Variants in PIGU observed in about 807,000 individuals in gnomAD.
The protein encoded by PIGU is phosphatidylinositol glycan anchor biosynthesis class U.
Under a neutral mutation model 49.9 loss-of-function variants are expected in PIGU, and 24 were observed. That is an observed-to-expected ratio of 0.48 (90% confidence interval 0.35 to 0.68). The LOEUF is 0.68. Ranked by LOEUF, PIGU falls within the 30% of genes least tolerant of loss-of-function variation. The probability of loss-of-function intolerance (pLI) is 0.01; values close to 1 mark genes in which losing one functional copy is unlikely to be tolerated. For missense variants in PIGU, 490 were observed against 532.6 expected, an observed-to-expected ratio of 0.92 and a Z score of 0.79; for synonymous variants, 220 against 205.7, an observed-to-expected ratio of 1.07 and a Z score of -0.59.
At chr20:34,610,949 A>G (rs1031707318) in intron 7 of PIGU, among the ~76,000 whole-genome samples, 1 of 152,206 alleles carries the variant, frequency 6.6e-6, no homozygotes, top group African/African-American at 2.4e-5. Context: ...AAAACAAGCA[A>G]TGGGGAAAGG....
At chr20:34,564,098 G>A (rs1408219289) in intron 11 of PIGU, among the ~76,000 whole-genome samples, 1 of 152,126 alleles carries the variant, frequency 6.6e-6, no homozygotes, top group Non-Finnish European at 1.5e-5. Context: ...AAGACACTGG[G>A]GAGATGTGAC....
intron 1 of PIGU, among the ~76,000 whole-genome samples, chr20:34,669,704 T>C (rs1294971310): frequency 6.6e-6 from 1 of 150,564 alleles, no homozygotes; most frequent in Admixed American, 6.7e-5. Flanking sequence ...AAAACAGTGG[T>C]ATCTAGTCTC....
At chr20:34,662,053 C>A (rs1986942290) in intron 1 of PIGU, among the ~76,000 whole-genome samples, 1 of 152,018 alleles carries the variant, frequency 6.6e-6, no homozygotes, top group Non-Finnish European at 1.5e-5. Context: ...TGAGATGTGT[C>A]TGTTCATGTC....
At chr20:34,614,617 C>T (rs1984938555) in intron 7 of PIGU, among the ~76,000 whole-genome samples, 1 of 135,812 alleles carries the variant, frequency 7.4e-6, no homozygotes, top group Non-Finnish European at 1.6e-5. Flanking sequence ...AGAGCAAGGA[C>T]CTGCTCTCAA....
At chr20:34,667,053 G>C (rs972098650) in intron 1 of PIGU, among the ~76,000 whole-genome samples, 2 of 151,676 alleles carry the variant, frequency 1.3e-5, no homozygotes, top group Non-Finnish European at 2.9e-5. Flanking sequence ...TGTTGCTCAG[G>C]CTGGTCTCAA....
intron 1 of PIGU, among the ~76,000 whole-genome samples, chr20:34,673,045 G>A (rs1426004020): frequency 6.6e-6 from 1 of 151,724 alleles, no homozygotes; most frequent in Non-Finnish European, 1.5e-5. Flanking sequence ...ACGAGGTCAG[G>A]AGATCGAGAC....
intron 11 of PIGU, among the ~76,000 whole-genome samples, chr20:34,563,627 G>T (rs557061446): frequency 6.6e-6 from 1 of 151,292 alleles, no homozygotes; most frequent in Non-Finnish European, 1.5e-5. Context: ...ACATCAATGG[G>T]GGGGGGGAGA....
chr20:34,604,364 A>G (rs1364182951), intron 7 of PIGU, among the ~76,000 whole-genome samples: 1 of 152,208 alleles, frequency 6.6e-6, no homozygotes, highest in East Asian at 1.9e-4. Flanking sequence ...TGAAAGGGAA[A>G]AAGCCAGTTA....
chr20:34,591,847 G>A (rs916913148), intron 7 of PIGU, among the ~76,000 whole-genome samples: 1 of 152,174 alleles, frequency 6.6e-6, no homozygotes, highest in Non-Finnish European at 1.5e-5. Flanking sequence ...TACTATTTGT[G>A]TAATGTAGAT....
chr20:34,609,047 A>G (rs749381104), intron 7 of PIGU, among the ~76,000 whole-genome samples: 4 of 152,158 alleles, frequency 2.6e-5, no homozygotes, highest in Non-Finnish European at 4.4e-5. Context: ...TGGGAGGCTG[A>G]GGCGGGAGGA....
chr20:34,626,091 A>G (rs141808978), intron 6 of PIGU, among the ~76,000 whole-genome samples: 1 of 151,882 alleles, frequency 6.6e-6, no homozygotes, highest in East Asian at 1.9e-4. Flanking sequence ...ATTTTACTTA[A>G]CCACTCCTCT....
intron 7 of PIGU, among the ~76,000 whole-genome samples, chr20:34,590,532 C>T (rs1983914006): frequency 6.6e-6 from 1 of 151,632 alleles, no homozygotes; most frequent in Admixed American, 6.6e-5. Flanking sequence ...TGCACTCCAG[C>T]CTGGGCAACA....
intron 9 of PIGU, among the ~76,000 whole-genome samples, chr20:34,583,082 G>C (rs903851061): frequency 6.6e-6 from 1 of 152,230 alleles, no homozygotes; most frequent in African/African-American, 2.4e-5. Context: ...GTGACTCAAT[G>C]GGTATGAATC....
chr20:34,673,259 A>C (rs1466513572), intron 1 of PIGU, among the ~76,000 whole-genome samples: 1 of 151,846 alleles, frequency 6.6e-6, no homozygotes, highest in East Asian at 1.9e-4. Context: ...GTCTCAAAAA[A>C]AAAAAAAAAA....
intron 7 of PIGU, among the ~76,000 whole-genome samples, chr20:34,599,376 C>T (rs1984325998): frequency 6.6e-6 from 1 of 151,974 alleles, no homozygotes; most frequent in East Asian, 1.9e-4. Context: ...TTGCTTAAGC[C>T]TAGGAAGCAG....
chr20:34,628,056 G>A (rs1985561376), intron 6 of PIGU, among the ~76,000 whole-genome samples: 1 of 152,136 alleles, frequency 6.6e-6, no homozygotes, highest in African/African-American at 2.4e-5. Flanking sequence ...GAAAAGGTAG[G>A]CAAACTGTAA....
intron 7 of PIGU, among the ~76,000 whole-genome samples, chr20:34,600,830 T>C (rs913452239): frequency 1.3e-5 from 2 of 151,818 alleles, no homozygotes; most frequent in Non-Finnish European, 2.9e-5. Flanking sequence ...AGGTTGGGAG[T>C]TCGAGACCAG....
chr20:34,565,846 G>GCACTCACACACAGGTGCA (rs1982734303), intron 11 of PIGU, among the ~76,000 whole-genome samples: 1 of 148,940 alleles, frequency 6.7e-6, no homozygotes, highest in South Asian at 2.1e-4. Flanking sequence ...ACACACAGGT[G>GCACTCACACACAGGTGCA]CACACACACA....
intron 6 of PIGU, among the ~76,000 whole-genome samples, chr20:34,620,808 AC>A (rs1171538326): frequency 1.0e-3 from 126 of 121,280 alleles, no homozygotes; most frequent in African/African-American, 3.2e-3. Context: ...CTAAAAAAAA[AC>A]AAAAAAAAAA....
Sources: gnomAD v4.1 joint callset for allele counts (sites outside exome capture counted in the v4.1 genomes callset) on GRCh38, gnomAD v4.1.1 for gene constraint, MANE v1.5 for transcripts, NCBI Gene and HGNC (gene_info 2026-07-23, HGNC 2026-07-21) for gene names.